ZFHX3: variants seen among roughly 807,000 people sequenced by gnomAD.
The protein encoded by ZFHX3 is zinc finger homeobox protein 3.
Under a neutral mutation model 279.1 loss-of-function variants are expected in ZFHX3, and 42 were observed. The ratio of observed to expected loss-of-function variants is 0.15; its 90% CI spans 0.12 to 0.19. The LOEUF is 0.19. ZFHX3 is among the 10% of genes least tolerant of loss of function. The probability of loss-of-function intolerance (pLI) is 1.00; values close to 1 mark genes in which losing one functional copy is unlikely to be tolerated. For missense variants in ZFHX3, 4,981 were observed against 4,754.0 expected (o/e 1.05, Z -1.40); for synonymous variants, 2,293 against 1,957.8 (o/e 1.17, Z -4.52).
chr16:73,666,878 C>T (rs1481039011), intron 2 of ZFHX3, among the ~76,000 whole-genome samples: 1 of 151,998 alleles, frequency 6.6e-6, no homozygotes, highest in Admixed American at 6.5e-5. Flanking sequence ...ATGTTTGAGT[C>T]TGGCTTCTTT....
intron 2 of ZFHX3, among the ~76,000 whole-genome samples, chr16:73,485,678 C>G (rs532894657): frequency 6.6e-5 from 10 of 152,220 alleles, no homozygotes; most frequent in South Asian, 6.2e-4. Context: ...TTTCTCATCT[C>G]TTATTTTCAC....
chr16:73,580,402 C>T (rs1293870662), intron 2 of ZFHX3, among the ~76,000 whole-genome samples: 3 of 151,802 alleles, frequency 2.0e-5, no homozygotes, highest in Non-Finnish European at 2.9e-5. Flanking sequence ...CTCTTGTACC[C>T]AGAAGGCAGA....
chr16:73,323,005 C>T (rs1042187969), intron 3 of ZFHX3, among the ~76,000 whole-genome samples: 2 of 152,120 alleles, frequency 1.3e-5, no homozygotes, highest in Non-Finnish European at 2.9e-5. Context: ...TTCCTTACAA[C>T]GTTGGGGATG....
intron 1 of ZFHX3, among the ~76,000 whole-genome samples, chr16:73,686,552 T>C (rs2053086347): frequency 6.6e-6 from 1 of 152,178 alleles, no homozygotes; most frequent in Admixed American, 6.5e-5. Context: ...TTAAGGAAAC[T>C]CATGCTCAGA....
rs555599303 is a variant in ZFHX3 at position 73,786,007 on chromosome 16, A to T, written c.-1608+105644T>A. On this transcript the variant is annotated intron_variant, in intron 1 of 17. Coordinates refer to the ZFHX3 transcript ENST00000641206. ...CACCTCAACCTTCTGAGTAGGTGGG[A>T]TTACAGGCATGCACCACCACACTTG... Among the ~76,000 whole-genome samples the T allele has an allele frequency of 2.8e-3, 429 of 152,098 alleles. 4 individuals are homozygous for T. The highest frequency in any genetic ancestry group is 7.9e-4 in the Non-Finnish European group (54 of 67,994).
At chr16:72,894,472 G>C (rs2038847769) in intron 3 of ZFHX3, among the ~76,000 whole-genome samples, 1 of 152,110 alleles carries the variant, frequency 6.6e-6, no homozygotes, top group Non-Finnish European at 1.5e-5. Context: ...AAGTGGCACT[G>C]GCCTCATCCC....
At chr16:72,922,183 C>G (rs1374161212) in intron 3 of ZFHX3, among the ~76,000 whole-genome samples, 1 of 152,206 alleles carries the variant, frequency 6.6e-6, no homozygotes, top group Non-Finnish European at 1.5e-5. Context: ...GAACTTTAAT[C>G]ACAGGGGGTG....
chr16:73,285,080 G>C (rs1473415564), intron 4 of ZFHX3, among the ~76,000 whole-genome samples: 2 of 152,220 alleles, frequency 1.3e-5, no homozygotes, highest in Non-Finnish European at 2.9e-5. Context: ...TTTGCACTGT[G>C]TAAAAGAATT....
intron 5 of ZFHX3, among the ~76,000 whole-genome samples, chr16:73,215,758 G>A (rs1018018993): frequency 1.3e-5 from 2 of 152,146 alleles, no homozygotes; most frequent in African/African-American, 4.8e-5. Flanking sequence ...CATTTTGCCT[G>A]TGACTTTGTG....
chr16:73,743,078 A>G (rs966496077), intron 1 of ZFHX3, among the ~76,000 whole-genome samples: 2 of 152,210 alleles, frequency 1.3e-5, no homozygotes, highest in African/African-American at 4.8e-5. Context: ...ACATAAAGTG[A>G]GAGTGTGTAA....
chr16:72,961,224 G>A (rs990392778), intron 1 of ZFHX3, among the ~76,000 whole-genome samples: 3 of 149,756 alleles, frequency 2.0e-5, no homozygotes, highest in Admixed American at 6.6e-5. Context: ...TGGGCTCGGC[G>A]AGCCCCAGCT....
intron 5 of ZFHX3, among the ~76,000 whole-genome samples, chr16:73,203,249 G>A (rs1343583535): frequency 6.6e-6 from 1 of 152,204 alleles, no homozygotes; most frequent in African/African-American, 2.4e-5. Context: ...CAGGCACTCA[G>A]TAGGAAGGGT....
intron 1 of ZFHX3, among the ~76,000 whole-genome samples, chr16:73,789,826 A>G (rs2142313389): frequency 6.6e-6 from 1 of 152,290 alleles, no homozygotes; most frequent in South Asian, 2.1e-4. Flanking sequence ...GTTTTATTAT[A>G]AAATACATTT....
intron 3 of ZFHX3, among the ~76,000 whole-genome samples, chr16:73,326,238 G>A (rs1161181694): frequency 2.0e-5 from 3 of 152,024 alleles, no homozygotes; most frequent in Non-Finnish European, 4.4e-5. Context: ...CATATGCAAC[G>A]GCCATTTAAG....
intron 2 of ZFHX3, among the ~76,000 whole-genome samples, chr16:73,576,244 G>A (rs949614709): frequency 1.3e-5 from 2 of 151,750 alleles, no homozygotes; most frequent in African/African-American, 4.9e-5. Context: ...GAATCAGCAG[G>A]GCCCACATCA....
intron 5 of ZFHX3, among the ~76,000 whole-genome samples, chr16:73,180,071 A>G (rs778540795): frequency 6.6e-6 from 1 of 152,034 alleles, no homozygotes; most frequent in African/African-American, 2.4e-5. Context: ...AAAATTACAG[A>G]CTCCTACGGG....
At chr16:73,626,451 T>C (rs771244038) in intron 2 of ZFHX3, among the ~76,000 whole-genome samples, 26 of 152,168 alleles carry the variant, frequency 1.7e-4, no homozygotes, top group Non-Finnish European at 3.2e-4. Flanking sequence ...GATATTGGAA[T>C]ATATATTTTG....
At chr16:72,938,980 C>T (rs925875957) in intron 3 of ZFHX3, among the ~76,000 whole-genome samples, 24 of 151,598 alleles carry the variant, frequency 1.6e-4, no homozygotes, top group Admixed American at 2.6e-4. Context: ...GCACAGCTGG[C>T]TTCGGAGTCA....
chr16:73,863,249 A>T (rs1043857375), intron 1 of ZFHX3, among the ~76,000 whole-genome samples: 1 of 152,182 alleles, frequency 6.6e-6, no homozygotes, highest in African/African-American at 2.4e-5. Context: ...TAGTAGAAGC[A>T]GTCCCTAGAG....
Sources: allele counts gnomAD v4.1 joint callset (sites outside exome capture counted in the v4.1 genomes callset), GRCh38; gene constraint gnomAD v4.1.1; transcripts MANE v1.5; gene names NCBI Gene and HGNC (gene_info 2026-07-23, HGNC 2026-07-21).